The following SLIT3 variants were observed in gnomAD, a reference collection of about 807,000 sequenced individuals.
SLIT3 encodes the protein slit homolog 3 protein.
A neutral mutation model predicts 184.0 loss-of-function variants in SLIT3; 68 were observed. That is an observed-to-expected ratio of 0.37 (90% CI 0.30 to 0.45). The LOEUF (loss-of-function observed/expected upper bound fraction) is 0.45. SLIT3 is among the 20% of genes least tolerant of loss of function. The pLI is 1.00. For missense variants in SLIT3, 1,707 were observed against 2,026.0 expected, an observed-to-expected ratio of 0.84 and a Z score of 3.02; for synonymous variants, 831 against 828.6, an observed-to-expected ratio of 1.00 and a Z score of -0.05.
At chr5:168,747,621 G>A (rs772776050) in intron 20 of SLIT3, among the ~76,000 whole-genome samples, 5 of 152,196 alleles carry the variant, frequency 3.3e-5, no homozygotes, top group South Asian at 2.1e-4. Context: ...CTTTCCTGGG[G>A]GGCAGAAATA....
chr5:169,185,331 C>T (rs935302685), intron 4 of SLIT3, among the ~76,000 whole-genome samples: 4 of 152,146 alleles, frequency 2.6e-5, no homozygotes, highest in African/African-American at 7.2e-5. Context: ...CCTGAAAAAA[C>T]GTGACCCCAT....
intron 4 of SLIT3, among the ~76,000 whole-genome samples, chr5:169,075,475 G>A (rs1205387813): frequency 3.9e-5 from 6 of 152,180 alleles, no homozygotes; most frequent in South Asian, 2.1e-4. Flanking sequence ...CGAAAATATC[G>A]TGAAGTTGAA....
At chr5:169,195,488 A>G (rs35607009) in intron 3 of SLIT3, among the ~76,000 whole-genome samples, 46,763 of 152,116 alleles carry the variant, frequency 0.31, 7,869 homozygotes, top group Middle Eastern at 0.42. Flanking sequence ...AAAGTTGGAT[A>G]AGATAAGCTC....
At chr5:168,752,388 GTTTTTT>G (rs35984907) in intron 18 of SLIT3, 31 of 109,730 alleles carry the variant, frequency 2.8e-4, no homozygotes, top group Non-Finnish European at 3.5e-4. Flanking sequence ...AAAGCCCCTG[GTTTTTT>G]TTTTTTTTTT....
In SLIT3 at chr5:168,774,095, T is replaced by C. The variant is rs1446983123; in HGVS notation, c.1295+140A>G. The C allele has an allele frequency of 9.8e-6, 8 of 814,452 alleles. No individual in the cohort carries two copies. The African/African-American group carries it at 1.4e-4, about 14-fold the overall frequency. 50.5% of individuals were successfully genotyped at this position (814,452 alleles called of 1,614,324 possible). ...TGGTACTGATAAGCTATTCCGATTT[T>C]TATTATTCTAGCTTCCCTGCAGGCT... is the stretch of plus-strand genomic sequence containing the variant. On this transcript the variant is annotated intron_variant, in intron 13 of 35. Transcript: ENST00000519560.
At chr5:169,088,021 A>T (rs973913050) in intron 4 of SLIT3, among the ~76,000 whole-genome samples, 29 of 152,248 alleles carry the variant, frequency 1.9e-4, no homozygotes, top group African/African-American at 6.7e-4. Flanking sequence ...GACTTTCCTT[A>T]CTTCGAGAAA....
chr5:168,848,055 A>G (rs1758542653), intron 5 of SLIT3, among the ~76,000 whole-genome samples: 1 of 152,364 alleles, frequency 6.6e-6, no homozygotes, highest in Middle Eastern at 3.4e-3. Flanking sequence ...TTCCTGGGCC[A>G]TAAGAAGTGT....
intron 4 of SLIT3, among the ~76,000 whole-genome samples, chr5:169,020,015 G>A (rs768242637): frequency 1.4e-4 from 22 of 152,276 alleles, no homozygotes; most frequent in East Asian, 5.8e-4. Flanking sequence ...AAATTTGGCC[G>A]CTGCCTGTTT....
At chr5:168,931,432 G>T (rs1330714171) in intron 4 of SLIT3, among the ~76,000 whole-genome samples, 2 of 152,158 alleles carry the variant, frequency 1.3e-5, no homozygotes, top group Non-Finnish European at 2.9e-5. Flanking sequence ...GGGAGTATCT[G>T]GGGATTCAGG....
chr5:169,134,321 C>T lies in SLIT3; in HGVS notation c.413+59158G>A, dbSNP rs113474507. On this transcript the variant is annotated intron_variant, in intron 4 of 35. Coordinates refer to ENST00000519560, the MANE Select transcript of SLIT3 (RefSeq NM_003062.4). ...CGGTCTCTTTGCAACCACCTGGGGCCTCTGTCCCTCTCACATGCTGCAGCC... is the reference window on the plus strand; with the variant it reads ...CGGTCTCTTTGCAACCACCTGGGGCTTCTGTCCCTCTCACATGCTGCAGCC... Among the ~76,000 whole-genome samples the T allele has an allele frequency of 2.0e-3, 311 of 152,306 alleles. 1 individual carries two copies. Among genetic ancestry groups the T allele is most frequent in the Non-Finnish European group, 3.5e-3 (238 of 68,028 alleles).
At chr5:169,155,672 T>C (rs1225256339) in intron 4 of SLIT3, among the ~76,000 whole-genome samples, 3 of 152,230 alleles carry the variant, frequency 2.0e-5, no homozygotes, top group African/African-American at 7.2e-5. Flanking sequence ...TCTGAGGTTT[T>C]TCCTTTCCTT....
intron 1 of SLIT3, among the ~76,000 whole-genome samples, chr5:169,273,965 A>G (rs925479562): frequency 2.0e-5 from 3 of 152,160 alleles, no homozygotes; most frequent in African/African-American, 7.2e-5. Context: ...CAATCAAGCA[A>G]CCTTGTACCA....
At chr5:168,967,888 G>A (rs1334101604) in intron 4 of SLIT3, among the ~76,000 whole-genome samples, 3 of 152,180 alleles carry the variant, frequency 2.0e-5, no homozygotes, top group African/African-American at 7.2e-5. Flanking sequence ...TGGCAGAAAA[G>A]ATGATGTCTG....
At chr5:169,283,434 C>T (rs1206394060) in intron 1 of SLIT3, among the ~76,000 whole-genome samples, 2 of 152,158 alleles carry the variant, frequency 1.3e-5, no homozygotes, top group East Asian at 3.9e-4. Flanking sequence ...ATTCCAGTTC[C>T]AGAAAGAAAG....
chr5:168,784,096 GCA>G (rs144638355), intron 12 of SLIT3, among the ~76,000 whole-genome samples: 2,780 of 150,772 alleles, frequency 0.018, 35 homozygotes, highest in African/African-American at 0.038. Flanking sequence ...TTTCCTTCCT[GCA>G]CACACACACA....
At chr5:168,959,871 C>T (rs541672217) in intron 4 of SLIT3, among the ~76,000 whole-genome samples, 17 of 152,276 alleles carry the variant, frequency 1.1e-4, no homozygotes, top group Admixed American at 3.9e-4. Context: ...GGGTGCCAGG[C>T]ACTGTGAGGT....
intron 26 of SLIT3, among the ~76,000 whole-genome samples, chr5:168,703,483 G>A (rs1380938247): frequency 2.6e-5 from 4 of 152,162 alleles, no homozygotes; most frequent in East Asian, 3.9e-4. Flanking sequence ...ACCCTACTGT[G>A]AACTGTGCAT....
At chr5:169,182,975 A>G (rs7714188) in intron 4 of SLIT3, among the ~76,000 whole-genome samples, 1,788 of 152,326 alleles carry the variant, frequency 0.012, 43 homozygotes, top group African/African-American at 0.041. Flanking sequence ...TTGTGCAGAA[A>G]GGGCTCAGCT....
At chr5:168,920,522 G>C (rs576907760) in intron 4 of SLIT3, among the ~76,000 whole-genome samples, 1 of 152,086 alleles carries the variant, frequency 6.6e-6, no homozygotes, top group Non-Finnish European at 1.5e-5. Context: ...ACGGCGGCAC[G>C]GAAGGAATAC....
Sources: gnomAD v4.1 joint callset for allele counts (sites outside exome capture counted in the v4.1 genomes callset) on GRCh38, gnomAD v4.1.1 for gene constraint, MANE v1.5 for transcripts, NCBI Gene and HGNC (gene_info 2026-07-23, HGNC 2026-07-21) for gene names.